The following MAMDC2 variants were observed in gnomAD, a reference collection of about 807,000 sequenced individuals.
MAMDC2 encodes the protein MAM domain-containing protein 2.
A neutral mutation model predicts 89.8 loss-of-function variants in MAMDC2; 57 were observed. The observed-to-expected ratio is 0.63, with a 90% CI of 0.51 to 0.79. MAMDC2 has a LOEUF of 0.79. MAMDC2 is among the 30% of genes least tolerant of loss of function. The probability of loss-of-function intolerance (pLI) is 0.00; values close to 1 mark genes in which losing one functional copy is unlikely to be tolerated. For synonymous variants in MAMDC2, 313 were observed against 293.4 expected, an observed-to-expected ratio of 1.07 and a Z score of -0.68; for missense variants, 800 against 820.6, an observed-to-expected ratio of 0.97 and a Z score of 0.31.
intron 6 of MAMDC2, among the ~76,000 whole-genome samples, chr9:70,130,656 G>A (rs1239134087): frequency 6.6e-6 from 1 of 152,182 alleles, no homozygotes; most frequent in African/African-American, 2.4e-5. Context: ...GACATGCTGA[G>A]ATCGGGGTTC....
At chr9:70,222,110 G>A (rs1036628430) in intron 12 of MAMDC2, among the ~76,000 whole-genome samples, 2 of 152,120 alleles carry the variant, frequency 1.3e-5, no homozygotes, top group Non-Finnish European at 2.9e-5. Context: ...AGAAGCCCAC[G>A]AGACTTCTTA....
chr9:70,064,573 G>A (rs1482342026), intron 2 of MAMDC2, among the ~76,000 whole-genome samples: 1 of 152,178 alleles, frequency 6.6e-6, no homozygotes, highest in Non-Finnish European at 1.5e-5. Context: ...AGGGGTGTGT[G>A]TGTGAGTCTG....
intron 11 of MAMDC2, among the ~76,000 whole-genome samples, chr9:70,212,755 C>T (rs1258780672): frequency 6.6e-6 from 1 of 152,118 alleles, no homozygotes; most frequent in Admixed American, 6.5e-5. Flanking sequence ...CATCTTGGAA[C>T]CTCCTCCTAT....
intron 11 of MAMDC2, among the ~76,000 whole-genome samples, chr9:70,174,834 C>G (rs2032448877): frequency 6.6e-6 from 1 of 151,450 alleles, no homozygotes; most frequent in South Asian, 2.1e-4. Flanking sequence ...AAGCAATTCT[C>G]CCTGCCTCAG....
intron 11 of MAMDC2, among the ~76,000 whole-genome samples, chr9:70,212,105 TTCTCAGA>T (rs1257399610): frequency 6.6e-6 from 1 of 152,232 alleles, no homozygotes; most frequent in Non-Finnish European, 1.5e-5. Flanking sequence ...AGTCTGTCTG[TTCTCAGA>T]TCTCAAACTC....
rs745673133 is a variant in MAMDC2, at chr9:70,218,612, T to C, written c.1911+16T>C. ...GCAACACCAGGTAAGCCAACAGAGATAAGAACTAAGCAATGGAAAACGTGT... is the reference window on the plus strand; with the variant it reads ...GCAACACCAGGTAAGCCAACAGAGACAAGAACTAAGCAATGGAAAACGTGT... On this transcript the variant is annotated intron_variant, in intron 12 of 13. Coordinates refer to ENST00000377182, the MANE Select transcript of MAMDC2 (RefSeq NM_153267.5). 4 of 1,588,198 alleles carry C rather than the reference T, an allele frequency of 2.5e-6. No homozygotes were observed. The highest frequency in any genetic ancestry group is 3.4e-6 in the Non-Finnish European group (4 of 1,165,916).
chr9:70,209,442 T>C (rs1019223048), intron 11 of MAMDC2, among the ~76,000 whole-genome samples: 6 of 152,224 alleles, frequency 3.9e-5, no homozygotes, highest in Non-Finnish European at 8.8e-5. Context: ...TATTCTCTGA[T>C]GGTAGTTTGT....
At chr9:70,212,996 G>A (rs961037168) in intron 11 of MAMDC2, among the ~76,000 whole-genome samples, 2 of 152,146 alleles carry the variant, frequency 1.3e-5, no homozygotes, top group Non-Finnish European at 2.9e-5. Flanking sequence ...CCAGACTAGT[G>A]CTTCACCCTC....
chr9:70,053,860 A>T (rs1362331838), intron 2 of MAMDC2, among the ~76,000 whole-genome samples: 1 of 152,160 alleles, frequency 6.6e-6, no homozygotes, highest in East Asian at 1.9e-4. Context: ...CCATGTATCT[A>T]AGGAAGAGAT....
chr9:70,162,194 C>G (rs1025073340), intron 9 of MAMDC2, among the ~76,000 whole-genome samples: 1 of 152,176 alleles, frequency 6.6e-6, no homozygotes, highest in Admixed American at 6.5e-5. Flanking sequence ...GGAATCTACT[C>G]TAAAAGGCAG....
intron 11 of MAMDC2, among the ~76,000 whole-genome samples, chr9:70,198,712 T>C (rs763646540): frequency 2.6e-5 from 4 of 152,150 alleles, no homozygotes; most frequent in Non-Finnish European, 5.9e-5. Flanking sequence ...AAATCTTCCA[T>C]ATTTTGGGCA....
chr9:70,145,834 C>T (rs1318572394), intron 9 of MAMDC2, among the ~76,000 whole-genome samples: 5 of 151,960 alleles, frequency 3.3e-5, no homozygotes, highest in Admixed American at 2.6e-4. Context: ...AGGCTCAGAT[C>T]CTACCCTTGA....
At chr9:70,162,921 A>AC (rs1445046122) in intron 9 of MAMDC2, among the ~76,000 whole-genome samples, 1 of 151,784 alleles carries the variant, frequency 6.6e-6, no homozygotes, top group African/African-American at 2.4e-5. Flanking sequence ...AAAAAAAAAA[A>AC]AAACTTTAGA....
chr9:70,114,603 TG>T (rs2029885817), intron 5 of MAMDC2, among the ~76,000 whole-genome samples: 1 of 152,164 alleles, frequency 6.6e-6, no homozygotes, highest in Non-Finnish European at 1.5e-5. Context: ...ATAAAAAGAC[TG>T]GAGTCTCATG....
At chr9:70,211,803 T>C (rs1180067374) in intron 11 of MAMDC2, among the ~76,000 whole-genome samples, 1 of 152,194 alleles carries the variant, frequency 6.6e-6, no homozygotes. Flanking sequence ...CAGATGGGGT[T>C]TTGGTGTGGA....
At chr9:70,122,771 T>G (rs1464171412) in intron 5 of MAMDC2, among the ~76,000 whole-genome samples, 1 of 151,958 alleles carries the variant, frequency 6.6e-6, no homozygotes, top group African/African-American at 2.4e-5. Flanking sequence ...TTTATTTTTA[T>G]TTTTTTTATG....
At chr9:70,137,290 C>T (rs1040483599) in intron 7 of MAMDC2, among the ~76,000 whole-genome samples, 1 of 152,202 alleles carries the variant, frequency 6.6e-6, no homozygotes, top group Non-Finnish European at 1.5e-5. Context: ...TTTGCTTTAT[C>T]TACCATTTAA....
At chr9:70,150,170 G>A (rs1382838255) in intron 9 of MAMDC2, among the ~76,000 whole-genome samples, 5 of 152,158 alleles carry the variant, frequency 3.3e-5, no homozygotes, top group Admixed American at 6.5e-5. Context: ...CCAAACCTAC[G>A]CTACTGTTTT....
At chr9:70,220,297 A>G (rs1031472653) in intron 12 of MAMDC2, among the ~76,000 whole-genome samples, 1 of 152,152 alleles carries the variant, frequency 6.6e-6, no homozygotes, top group Non-Finnish European at 1.5e-5. Flanking sequence ...TTGAGTACAG[A>G]GTAGTGTGGC....
Sources: gnomAD v4.1 joint callset for allele counts (sites outside exome capture counted in the v4.1 genomes callset) on GRCh38, gnomAD v4.1.1 for gene constraint, MANE v1.5 for transcripts, NCBI Gene and HGNC (gene_info 2026-07-23, HGNC 2026-07-21) for gene names.